The following ZNF827 variants were observed in gnomAD, a reference collection of about 807,000 sequenced individuals.
ZNF827 encodes the protein zinc finger protein 827.
A neutral mutation model predicts 102.4 loss-of-function variants in ZNF827; 13 were observed. That is an observed-to-expected ratio of 0.13 (90% CI 0.08 to 0.20). The LOEUF (loss-of-function observed/expected upper bound fraction) is 0.20, where lower values mean the gene tolerates loss of function less well. ZNF827 is among the 10% of genes least tolerant of loss of function. ZNF827 has a pLI of 1.00. For missense variants in ZNF827, 1,103 were observed against 1,344.4 expected, an observed-to-expected ratio of 0.82 and a Z score of 2.81; for synonymous variants, 523 against 536.2, an observed-to-expected ratio of 0.98 and a Z score of 0.34.
chr4:145,938,124 G>C (rs892573052), intron 1 of ZNF827, among the ~76,000 whole-genome samples: 16 of 151,192 alleles, frequency 1.1e-4, no homozygotes, highest in Admixed American at 3.9e-4. Context: ...GGAAAAAAAG[G>C]GGGGGGGTGA....
Position 145,759,980 on chromosome 4 carries a change from C to A in ZNF827, c.*1636G>T, listed in dbSNP as rs150798873. ...ATTTGTCTACGTGTGGGCACACACA[C>A]AAAACACACTTAAGTTCTGTGATGT... On this transcript the variant is annotated 3_prime_UTR_variant, in exon 15 of 15. Transcript: ENST00000508784. 1 of 151,590 alleles carries A rather than the reference C, an allele frequency of 6.6e-6. No homozygotes were observed. Among genetic ancestry groups the A allele is most frequent in the Admixed American group, 6.6e-5 (1 of 15,260 alleles). The allele number at this position is 151,590 out of a possible 1,614,324, so 9.4% of individuals were successfully genotyped here.
chr4:145,817,360 C>A (rs746466215), intron 8 of ZNF827, among the ~76,000 whole-genome samples: 4 of 152,140 alleles, frequency 2.6e-5, no homozygotes, highest in East Asian at 1.9e-4. Flanking sequence ...ATTACAGTGC[C>A]ATAACAGATG....
chr4:145,878,907 G>C (rs147056117), intron 4 of ZNF827, among the ~76,000 whole-genome samples: 204 of 152,200 alleles, frequency 1.3e-3, no homozygotes, highest in African/African-American at 3.8e-3. Context: ...AGGCATCAGG[G>C]AGGGAGCTGG....
At chr4:145,823,101 G>A (rs72723880) in intron 8 of ZNF827, among the ~76,000 whole-genome samples, 3,310 of 152,226 alleles carry the variant, frequency 0.022, 54 homozygotes, top group Non-Finnish European at 0.035. Context: ...CTGGCTGCCG[G>A]CCTGAAATAC....
At chr4:145,796,245 C>T (rs1740365127) in intron 8 of ZNF827, among the ~76,000 whole-genome samples, 1 of 152,188 alleles carries the variant, frequency 6.6e-6, no homozygotes, top group African/African-American at 2.4e-5. Flanking sequence ...CTTTCAAGTA[C>T]AGAGCTGCTT....
Position 145,774,506 on chromosome 4 carries a change from C to A in ZNF827, c.2860G>T (p.Gly954Trp), listed in dbSNP as rs1736751916. ...GAGAAGGACAGACAGGAATGGTCAC[C>A]TGTGTGCTTGGTGCCAATGTGAGTC... ...IKTHIGTKHTGEDRKTPSESN... is the reference protein window; with the variant it reads ...IKTHIGTKHTWEDRKTPSESN... Residue 954 changes from glycine to tryptophan, a missense_variant and splice_region_variant, in exon 11 of 15, where the codon GGG becomes TGG. Physicochemically the swap from Gly to Trp is radical, Grantham distance 184. This residue lies in a region of ZNF827 where 242 missense variants were observed against 361.9 expected (regional missense o/e 0.67). Coordinates refer to ENST00000508784, the MANE Select transcript of ZNF827 (RefSeq NM_001306215.2). The A allele has an allele frequency of 6.2e-7, 1 of 1,609,334 alleles. No homozygotes were observed. The highest frequency in any genetic ancestry group is 8.5e-7 in the Non-Finnish European group (1 of 1,177,794).
Position 145,763,015 on chromosome 4 carries a change from G to T in ZNF827, c.*17+75C>A. 7.2e-7 allele frequency: 1 copy of T among 1,382,922 alleles called. No individual in the cohort carries two copies. The highest frequency in any genetic ancestry group is 9.8e-7 in the Non-Finnish European group (1 of 1,015,998). The allele number at this position is 1,382,922 out of a possible 1,614,324, so 85.7% of individuals were successfully genotyped here. A position where few individuals can be genotyped will look rare whatever the true frequency, so the allele number is the denominator to read the frequency against. On this transcript the variant is annotated intron_variant, in intron 14 of 14. Transcript: ENST00000508784. This position sits in a 1 kb window ranked among gnomAD's most constrained non-coding sequence, Gnocchi z 4.6. Reference sequence around the variant, plus strand: ...CCTTTGAACCTCAGCTCACAGAAGAGTGCACACGAGAGAAATATAAAGCCC... The same window carrying T: ...CCTTTGAACCTCAGCTCACAGAAGATTGCACACGAGAGAAATATAAAGCCC...
chr4:145,938,240 C>CT (rs1389623390), intron 1 of ZNF827, 125 bp downstream of exon 1: 2 of 1,184,372 alleles, frequency 1.7e-6, no homozygotes, highest in African/African-American at 3.0e-5. Context: ...CGGGCTGTGT[C>CT]TTTGTCAGTT....
Position 145,892,326 on chromosome 4 carries a change from T to C in ZNF827, c.1183A>G (p.Ile395Val). Reference sequence around the variant, plus strand: ...TGATGACTTTTTAAACCTGTGTGAATCACCATGTGCCGCTTCCAGTAACTC... The same window carrying C: ...TGATGACTTTTTAAACCTGTGTGAACCACCATGTGCCGCTTCCAGTAACTC... Reference protein sequence around the residue: ...RKSYWKRHMVIHTGLKSHQCP... With the variant: ...RKSYWKRHMVVHTGLKSHQCP... Residue 395 changes from isoleucine (I) to valine (V), a missense_variant, in exon 3 of 15, where the codon ATT (isoleucine) becomes GTT (valine). Ile to Val is a conservative substitution (Grantham distance 29, BLOSUM62 3). Transcript: ENST00000508784. 1 of 1,614,196 alleles carries C rather than the reference T, an allele frequency of 6.2e-7. No homozygotes were observed. The highest frequency in any genetic ancestry group is 1.3e-5 in the African/African-American group (1 of 75,056).
chr4:145,808,541 G>A (rs571667062), intron 8 of ZNF827, among the ~76,000 whole-genome samples: 6 of 152,306 alleles, frequency 3.9e-5, no homozygotes, highest in Admixed American at 2.6e-4. Context: ...GGAAAGCCCC[G>A]ATAGGAAAGA....
chr4:145,798,174 C>T (rs1376924905), intron 8 of ZNF827, among the ~76,000 whole-genome samples: 1 of 152,204 alleles, frequency 6.6e-6, no homozygotes, highest in African/African-American at 2.4e-5. Context: ...ATAGAAAAGA[C>T]AGCCTGCTCC....
At chr4:145,876,094 A>G (rs1171776127) in intron 4 of ZNF827, among the ~76,000 whole-genome samples, 2 of 152,210 alleles carry the variant, frequency 1.3e-5, no homozygotes, top group Non-Finnish European at 2.9e-5. Context: ...TAATGTCATC[A>G]ATAATGAAGT....
intron 7 of ZNF827, among the ~76,000 whole-genome samples, chr4:145,844,726 AAAT>A (rs1420156847): frequency 1.3e-4 from 16 of 126,662 alleles, no homozygotes; most frequent in South Asian, 5.2e-4. Flanking sequence ...ATAAATAAAT[AAAT>A]AAAATAAACC....
chr4:145,805,125 TTGTGTGTG>T (rs35536912), intron 8 of ZNF827, among the ~76,000 whole-genome samples: 1,811 of 148,210 alleles, frequency 0.012, 33 homozygotes, highest in African/African-American at 0.036. Context: ...GCAATTCCTT[TTGTGTGTG>T]TGTGTGTGTG....
At chr4:145,874,603 G>C (rs1458476725) in intron 4 of ZNF827, among the ~76,000 whole-genome samples, 1 of 152,182 alleles carries the variant, frequency 6.6e-6, no homozygotes, top group Admixed American at 6.5e-5. Context: ...TGGAATTCAA[G>C]ATGTTTTCTT....
At chr4:145,912,801 A>G (rs778154576) in intron 1 of ZNF827, among the ~76,000 whole-genome samples, 4 of 152,206 alleles carry the variant, frequency 2.6e-5, no homozygotes, top group Admixed American at 1.3e-4. Flanking sequence ...GGACACCTTG[A>G]GCTCAGACTT....
chr4:145,765,731 G>C lies in ZNF827; in HGVS notation c.2868C>G (p.Asp956Glu), dbSNP rs1267728768. ...THIGTKHTGE[D>E]RKTPSESNSP... is the part of the protein sequence containing the mutation. Reference sequence around the variant, plus strand: ...TATTTGATTCGCTGGGGGTCTTCCTGTCTTCCCCTGAAAAATAAGCAAATA... The same window carrying C: ...TATTTGATTCGCTGGGGGTCTTCCTCTCTTCCCCTGAAAAATAAGCAAATA... Residue 956 changes from aspartate to glutamate, a missense_variant, in exon 12 of 15, where the codon GAC becomes GAG. By Grantham distance (45) the Asp-to-Glu change is conservative. Around this residue, in one of 5 missense-constraint regions of ZNF827, gnomAD observed 242 missense variants for 361.9 expected, o/e 0.67. Transcript: ENST00000508784. The surrounding 1 kb of genome is among the most constrained non-coding windows in gnomAD (Gnocchi z 4.7). 6.2e-7 allele frequency: 1 copy of C among 1,613,142 alleles called. No homozygotes were observed.
At chr4:145,802,189 A>C (rs1462716762) in intron 8 of ZNF827, among the ~76,000 whole-genome samples, 2 of 152,218 alleles carry the variant, frequency 1.3e-5, no homozygotes, top group African/African-American at 4.8e-5. Context: ...CCTCCCACTT[A>C]AATTCACTTT....
chr4:145,878,751 G>GAGA (rs1561031928), intron 4 of ZNF827, among the ~76,000 whole-genome samples: 8 of 146,792 alleles, frequency 5.4e-5, no homozygotes, highest in South Asian at 2.2e-4. Context: ...GAGGAAGGGC[G>GAGA]GAAGGAAGGA....
Sources: gnomAD v4.1 joint callset for allele counts (sites outside exome capture counted in the v4.1 genomes callset) on GRCh38, gnomAD v4.1.1 for gene constraint, gnomAD v4.1.1 regional missense constraint, Gnocchi (gnomAD v3.1) non-coding constraint, MANE v1.5 for transcripts, NCBI Gene and HGNC (gene_info 2026-07-23, HGNC 2026-07-21) for gene names.